The following LINC00305 variants were observed in gnomAD, a reference collection of about 807,000 sequenced individuals.
LINC00305 encodes the protein long intergenic non-protein coding RNA 305.
intron 1 of LINC00305, among the ~76,000 whole-genome samples, chr18:64,140,561 T>C (rs1338127110): frequency 1.3e-5 from 2 of 152,118 alleles, no homozygotes; most frequent in Non-Finnish European, 2.9e-5. Flanking sequence ...CTAAGTAGTT[T>C]CCTCTCCATC....
rs1212650153 is a variant in LINC00305, at chr18:64,140,164, A to G, written n.314+8611T>C. Among the ~76,000 whole-genome samples the G allele has an allele frequency of 3.3e-5, 5 of 151,938 alleles. No homozygotes were observed. In the East Asian group the frequency reaches 9.7e-4, roughly 29 times the overall value. ...AGGCCTTCTCTGACTATCCAATCGG[A>G]ATTACCTTGCGTTCCTCCTCCTCTT... is the stretch of plus-strand genomic sequence containing the variant. On this transcript the variant is annotated intron_variant and non_coding_transcript_variant, in intron 1 of 3. Transcript: ENST00000666468.
Position 64,092,269 on chromosome 18 carries a change from A to G in LINC00305, n.540+5565T>C, listed in dbSNP as rs1254930107. 2.0e-5 allele frequency among the ~76,000 whole-genome samples: 3 copies of G among 152,182 alleles called. No homozygotes were observed. In the East Asian group the frequency reaches 5.8e-4, roughly 29 times the overall value. On this transcript the variant is annotated intron_variant and non_coding_transcript_variant, in intron 3 of 3. Coordinates refer to ENST00000666468, the Ensembl canonical transcript of LINC00305. ...CGCATATTGTTATGGTTTGTAAAAC[A>G]TTTGCTGACTAGGCCAGGCATGGCG...
chr18:64,103,222 T>G (rs2051274850), intron 1 of LINC00305, among the ~76,000 whole-genome samples: 3 of 152,212 alleles, frequency 2.0e-5, no homozygotes, highest in Admixed American at 6.5e-5. Context: ...CTGCTCCATG[T>G]TGCTACTAAT....
chr18:64,148,583 G>A (rs1323776315), intron 1 of LINC00305, among the ~76,000 whole-genome samples: 1 of 152,062 alleles, frequency 6.6e-6, no homozygotes, highest in African/African-American at 2.4e-5. Flanking sequence ...AAGATGGGGG[G>A]TTATCTCCAG....
chr18:64,091,299 A>T (rs1367866332), intron 3 of LINC00305, among the ~76,000 whole-genome samples: 1 of 152,174 alleles, frequency 6.6e-6, no homozygotes, highest in African/African-American at 2.4e-5. Flanking sequence ...ACTCCCAAAC[A>T]TCATGTGTTC....
intron 1 of LINC00305, among the ~76,000 whole-genome samples, chr18:64,102,992 G>A (rs1037806600): frequency 2.0e-5 from 3 of 152,280 alleles, no homozygotes; most frequent in Middle Eastern, 3.4e-3. Flanking sequence ...ATCAACTTAT[G>A]TTTGGCAGGC....
chr18:64,103,014 G>T (rs765527560), intron 1 of LINC00305, among the ~76,000 whole-genome samples: 5 of 152,152 alleles, frequency 3.3e-5, no homozygotes, highest in Non-Finnish European at 7.3e-5. Flanking sequence ...GGACGAGCAT[G>T]CTCTGTAGTG....
chr18:64,095,634 A>G (rs1184428801), intron 3 of LINC00305, among the ~76,000 whole-genome samples: 1 of 152,242 alleles, frequency 6.6e-6, no homozygotes, highest in African/African-American at 2.4e-5. Flanking sequence ...ATTAAAGAAC[A>G]GAACCAACAC....
intron 1 of LINC00305, among the ~76,000 whole-genome samples, chr18:64,121,698 A>T (rs938431688): frequency 1.4e-4 from 21 of 152,230 alleles, no homozygotes; most frequent in Middle Eastern, 3.4e-3. Flanking sequence ...TTTCCTGTGC[A>T]TAGACACCCA....
intron 3 of LINC00305, among the ~76,000 whole-genome samples, chr18:64,095,456 AG>A (rs1445108583): frequency 7.7e-5 from 10 of 130,646 alleles, no homozygotes; most frequent in African/African-American, 3.6e-4. Context: ...AGACAAGAGG[AG>A]ATTTTTTTTT....
intron 1 of LINC00305, among the ~76,000 whole-genome samples, chr18:64,114,881 G>A (rs193090479): frequency 3.3e-5 from 5 of 152,270 alleles, no homozygotes; most frequent in Non-Finnish European, 5.9e-5. Context: ...GAGCTTGTGC[G>A]TAAAGATAGT....
intron 3 of LINC00305, among the ~76,000 whole-genome samples, chr18:64,095,541 A>G (rs1270248292): frequency 6.6e-6 from 1 of 152,194 alleles, no homozygotes; most frequent in Non-Finnish European, 1.5e-5. Flanking sequence ...AAAACTAAAA[A>G]CACACCAAAA....
intron 1 of LINC00305, among the ~76,000 whole-genome samples, chr18:64,116,964 T>C (rs114636392): frequency 1.4e-4 from 21 of 152,266 alleles, no homozygotes; most frequent in African/African-American, 5.1e-4. Flanking sequence ...CAAACAAAAT[T>C]CACACAACGG....
intron 3 of LINC00305, among the ~76,000 whole-genome samples, chr18:64,082,964 A>G (rs183095610): frequency 2.6e-5 from 4 of 152,238 alleles, no homozygotes; most frequent in Admixed American, 2.0e-4. Flanking sequence ...TTTCTAATTC[A>G]TGCTTGATTT....
At chr18:64,130,915 T>C (rs2051406781) in intron 1 of LINC00305, among the ~76,000 whole-genome samples, 1 of 152,150 alleles carries the variant, frequency 6.6e-6, no homozygotes, top group South Asian at 2.1e-4. Flanking sequence ...TGAAAGACCT[T>C]TCATACCATC....
chr18:64,096,768 G>A (rs892722906), intron 3 of LINC00305, among the ~76,000 whole-genome samples: 5 of 151,726 alleles, frequency 3.3e-5, no homozygotes, highest in East Asian at 1.9e-4. Context: ...ATTACAAAAC[G>A]TAGTAAGTTA....
chr18:64,147,885 GC>G (rs1162670299), intron 1 of LINC00305, among the ~76,000 whole-genome samples: 8 of 152,096 alleles, frequency 5.3e-5, no homozygotes, highest in African/African-American at 1.4e-4. Context: ...GGTTGGTGCA[GC>G]TGGTTTTGGC....
At chr18:64,144,044 A>ATT (rs1371139920) in intron 1 of LINC00305, among the ~76,000 whole-genome samples, 3 of 152,186 alleles carry the variant, frequency 2.0e-5, no homozygotes, top group African/African-American at 7.2e-5. Flanking sequence ...CTAATTATAG[A>ATT]AGGAAGATTT....
chr18:64,087,015 A>G lies in LINC00305; in HGVS notation n.541-6613T>C, dbSNP rs375155986. Reference sequence around the variant, plus strand: ...AGAGAGGGTCTATAATGTGGCAATTATGATATTACTCAAAAAGAATTCTGA... The same window carrying G: ...AGAGAGGGTCTATAATGTGGCAATTGTGATATTACTCAAAAAGAATTCTGA... On this transcript the variant is annotated intron_variant and non_coding_transcript_variant, in intron 3 of 3. Transcript: ENST00000666468. Among the ~76,000 whole-genome samples the G allele has an allele frequency of 5.7e-4, 87 of 152,302 alleles. 1 individual carries two copies. The South Asian group carries it at 0.017, about 30-fold the overall frequency.
Sources: allele counts gnomAD v4.1 joint callset (sites outside exome capture counted in the v4.1 genomes callset), GRCh38; gene constraint gnomAD v4.1.1; transcripts MANE v1.5; gene names NCBI Gene and HGNC (gene_info 2026-07-23, HGNC 2026-07-21).